Variants in NUBPL observed in about 807,000 individuals in gnomAD.
The protein encoded by NUBPL is iron-sulfur cluster transfer protein NUBPL.
Under a neutral mutation model 45.7 loss-of-function variants are expected in NUBPL, and 31 were observed. That is an observed-to-expected ratio of 0.68 (90% CI 0.51 to 0.92). The LOEUF is 0.92. NUBPL is among the 40% of genes least tolerant of loss of function. The pLI, the probability that NUBPL is intolerant of heterozygous loss-of-function variation, is 0.00. For synonymous variants in NUBPL, 144 were observed against 140.9 expected (o/e 1.02, Z -0.15); for missense variants, 401 against 398.7 (o/e 1.01, Z -0.05).
chr14:31,616,670 TG>T (rs2034910225), intron 4 of NUBPL, among the ~76,000 whole-genome samples: 1 of 152,214 alleles, frequency 6.6e-6, no homozygotes, highest in African/African-American at 2.4e-5. Context: ...TTTTGGTAAC[TG>T]TAGACTTGTA....
chr14:31,581,031 A>G (rs1015945627), intron 3 of NUBPL, among the ~76,000 whole-genome samples: 1 of 152,206 alleles, frequency 6.6e-6, no homozygotes, highest in African/African-American at 2.4e-5. Flanking sequence ...GAATAAAAAT[A>G]GAACAAGACG....
chr14:31,631,482 AC>A (rs60024161), intron 4 of NUBPL, among the ~76,000 whole-genome samples: 44,071 of 150,392 alleles, frequency 0.29, 7,329 homozygotes, highest in South Asian at 0.41. Context: ...ACACACACAC[AC>A]CCCCACCCCA....
chr14:31,679,155 G>C (rs1477332366), intron 6 of NUBPL, among the ~76,000 whole-genome samples: 1 of 152,164 alleles, frequency 6.6e-6, no homozygotes, highest in Non-Finnish European at 1.5e-5. Context: ...CACAGCTCTT[G>C]GGTGATGGGG....
At chr14:31,768,039 G>T (rs8012634) in intron 6 of NUBPL, among the ~76,000 whole-genome samples, 151,967 of 152,366 alleles carry the variant, frequency 1, 75,787 homozygotes, top group Middle Eastern at 1. Flanking sequence ...TAATTTTATT[G>T]TCATTTATTT....
chr14:31,698,557 C>T (rs2037264317), intron 6 of NUBPL, among the ~76,000 whole-genome samples: 1 of 152,044 alleles, frequency 6.6e-6, no homozygotes, highest in African/African-American at 2.4e-5. Context: ...CTCCTTGCTA[C>T]TTTTTAAAGC....
At chr14:31,727,893 T>C (rs1010433712) in intron 6 of NUBPL, among the ~76,000 whole-genome samples, 2 of 152,238 alleles carry the variant, frequency 1.3e-5, no homozygotes, top group African/African-American at 4.8e-5. Context: ...AAGTATAAGC[T>C]GGGAACTGTT....
At chr14:31,814,516 G>T (rs545163186) in intron 7 of NUBPL, among the ~76,000 whole-genome samples, 78 of 151,938 alleles carry the variant, frequency 5.1e-4, no homozygotes, top group Middle Eastern at 6.8e-3. Flanking sequence ...TTCTTTTGCT[G>T]TGCAGAATCT....
chr14:31,615,873 C>G (rs952438088), intron 4 of NUBPL, among the ~76,000 whole-genome samples: 3 of 152,242 alleles, frequency 2.0e-5, no homozygotes, highest in African/African-American at 7.2e-5. Context: ...AATCACCACA[C>G]TGTCTTCCAC....
Position 31,826,759 on chromosome 14 carries a change from A to T in NUBPL, c.693+45A>T, listed in dbSNP as rs376624462. On this transcript the variant is annotated intron_variant, in intron 8 of 10. Coordinates refer to ENST00000281081, the MANE Select transcript of NUBPL (RefSeq NM_025152.3). ...CTGTGAAAAATATAAAACTCTTCTA[A>T]CTGAAGAAGCAAGTCATTGAAAAAT... 1.7e-5 allele frequency: 26 copies of T among 1,513,894 alleles called. No individual in the cohort carries two copies. In the African/African-American group the frequency reaches 3.2e-4, roughly 18 times the overall value. The allele number at this position is 1,513,894 out of a possible 1,614,324, so 93.8% of individuals were successfully genotyped here. A position where few individuals can be genotyped will look rare whatever the true frequency, so the allele number is the denominator to read the frequency against.
At chr14:31,692,797 GA>G (rs1023679452) in intron 6 of NUBPL, among the ~76,000 whole-genome samples, 2 of 152,002 alleles carry the variant, frequency 1.3e-5, no homozygotes, top group Non-Finnish European at 2.9e-5. Context: ...TGTATAAAAT[GA>G]AAAAAAGAAA....
chr14:31,798,432 C>T (rs1566567096), intron 7 of NUBPL, among the ~76,000 whole-genome samples: 1 of 149,974 alleles, frequency 6.7e-6, no homozygotes, highest in Admixed American at 6.7e-5. Context: ...TGATTACTTG[C>T]AGGCTCTATA....
At chr14:31,754,544 G>A (rs1216098404) in intron 6 of NUBPL, among the ~76,000 whole-genome samples, 1 of 147,904 alleles carries the variant, frequency 6.8e-6, no homozygotes, top group African/African-American at 2.5e-5. Context: ...ATAATCTATA[G>A]ATTTAGAAGA....
Position 31,652,770 on chromosome 14 carries a change from C to T in NUBPL, c.383-20585C>T, listed in dbSNP as rs185311204. Among the ~76,000 whole-genome samples the T allele has an allele frequency of 2.2e-3, 328 of 152,196 alleles. 1 individual carries two copies. Among genetic ancestry groups the T allele is most frequent in the Non-Finnish European group, 1.6e-3 (108 of 68,022 alleles). On this transcript the variant is annotated intron_variant, in intron 4 of 10. Transcript: ENST00000281081. ...CAAAGACCCTGTGACAAGGCCAAAT[C>T]CTATAATTTCCTTCATAGCACTAGT...
At position 31,859,480 on chromosome 14, in the gene NUBPL, T is replaced by G. The variant is rs1266430797; in HGVS notation, c.*300T>G. 2.5e-6 allele frequency: 1 copy of G among 405,738 alleles called. No individual in the cohort carries two copies. Among genetic ancestry groups the G allele is most frequent in the African/African-American group, 2.0e-5 (1 of 49,052 alleles). 25.1% of individuals were successfully genotyped at this position (405,738 alleles called of 1,614,324 possible). On this transcript the variant is annotated 3_prime_UTR_variant, in exon 11 of 11. Coordinates refer to ENST00000281081, the MANE Select transcript of NUBPL (RefSeq NM_025152.3). ...AGTTTATGATGTTACAAGTCCATTT[T>G]GGGAGAGAACTGTACACTTTTTGCA...
chr14:31,779,991 T>C (rs1402186544), intron 6 of NUBPL, among the ~76,000 whole-genome samples: 1 of 152,166 alleles, frequency 6.6e-6, no homozygotes, highest in Non-Finnish European at 1.5e-5. Flanking sequence ...TTCTTAAATA[T>C]GACATTTCAG....
chr14:31,821,681 T>C (rs926892850), intron 7 of NUBPL, among the ~76,000 whole-genome samples: 1 of 152,238 alleles, frequency 6.6e-6, no homozygotes, highest in African/African-American at 2.4e-5. Flanking sequence ...GTCCTATTGC[T>C]GGGTATACAC....
At chr14:31,677,112 C>G (rs1326016447) in intron 6 of NUBPL, among the ~76,000 whole-genome samples, 4 of 152,008 alleles carry the variant, frequency 2.6e-5, no homozygotes, top group Admixed American at 2.6e-4. Context: ...TACAGACAGG[C>G]ACTGAGTAAT....
At chr14:31,791,347 T>A (rs2039378730) in intron 7 of NUBPL, among the ~76,000 whole-genome samples, 1 of 152,156 alleles carries the variant, frequency 6.6e-6, no homozygotes, top group Admixed American at 6.6e-5. Flanking sequence ...TAATAAACCA[T>A]TATATCAATA....
intron 6 of NUBPL, among the ~76,000 whole-genome samples, chr14:31,680,469 A>G (rs557140254): frequency 6.6e-6 from 1 of 152,010 alleles, no homozygotes; most frequent in East Asian, 1.9e-4. Flanking sequence ...TTCCCTTACC[A>G]CTTATTGAAA....
Sources: allele counts gnomAD v4.1 joint callset (sites outside exome capture counted in the v4.1 genomes callset), GRCh38; gene constraint gnomAD v4.1.1; transcripts MANE v1.5; gene names NCBI Gene and HGNC (gene_info 2026-07-23, HGNC 2026-07-21).